The following ETV1 variants were observed in gnomAD, a reference collection of about 807,000 sequenced individuals.
ETV1 encodes the protein ETS translocation variant 1.
Under a neutral mutation model 62.3 loss-of-function variants are expected in ETV1, and 27 were observed. The observed-to-expected ratio is 0.43, with a 90% CI of 0.32 to 0.60. ETV1 has a LOEUF of 0.60. Among genes scored for constraint, ETV1 ranks in the 20% least tolerant of loss-of-function variants. The pLI is 0.06. For missense variants in ETV1, 605 were observed against 605.8 expected (o/e 1.00, Z 0.01); for synonymous variants, 222 against 199.6 (o/e 1.11, Z -0.94).
At chr7:13,945,475 G>A (rs145685746) in intron 6 of ETV1, among the ~76,000 whole-genome samples, 5 of 151,184 alleles carry the variant, frequency 3.3e-5, no homozygotes, top group African/African-American at 1.2e-4. Context: ...AGCCAAATAA[G>A]TAATCCAATG....
At chr7:13,968,867 G>C (rs1477925288) in intron 6 of ETV1, among the ~76,000 whole-genome samples, 1 of 152,030 alleles carries the variant, frequency 6.6e-6, no homozygotes, top group African/African-American at 2.4e-5. Context: ...TCTTTTACTG[G>C]ACTTGATGGA....
intron 3 of ETV1, 48 bp downstream of exon 3, chr7:13,988,960 C>G (rs1031624621): frequency 3.2e-6 from 5 of 1,549,432 alleles, no homozygotes; most frequent in Admixed American, 1.8e-5. Context: ...CTCCCCACCC[C>G]CGACGGAGTC....
chr7:13,913,052 C>G (rs1005499792), intron 9 of ETV1, among the ~76,000 whole-genome samples: 2 of 152,304 alleles, frequency 1.3e-5, no homozygotes, highest in Non-Finnish European at 1.5e-5. Context: ...AAAAATCCAA[C>G]CAATGAAGTT....
intron 9 of ETV1, among the ~76,000 whole-genome samples, chr7:13,915,656 A>T (rs531343096): frequency 5.3e-5 from 8 of 152,206 alleles, no homozygotes; most frequent in South Asian, 2.1e-4. Context: ...TATATGCCAT[A>T]CTTTTAGCCT....
intron 3 of ETV1, 104 bp downstream of exon 3, chr7:13,988,904 T>C: frequency 6.6e-7 from 1 of 1,522,402 alleles, no homozygotes; most frequent in Non-Finnish European, 9.0e-7. Context: ...CAGATAAGTA[T>C]CTGCAATCCC....
At chr7:13,899,567 A>T (rs1583555169) in intron 13 of ETV1, among the ~76,000 whole-genome samples, 1 of 152,298 alleles carries the variant, frequency 6.6e-6, no homozygotes, top group Admixed American at 6.5e-5. Context: ...GTGACATAAA[A>T]ATGTGCCACA....
At chr7:13,932,919 C>T (rs1786360502) in intron 8 of ETV1, among the ~76,000 whole-genome samples, 1 of 152,104 alleles carries the variant, frequency 6.6e-6, no homozygotes, top group South Asian at 2.1e-4. Context: ...AAGAACACTC[C>T]ATCCTGTGAT....
At chr7:13,986,178 C>T (rs1183248771) in intron 5 of ETV1, 2 of 1,591,740 alleles carry the variant, frequency 1.3e-6, no homozygotes, top group African/African-American at 1.3e-5. Context: ...TTGAAGCATC[C>T]CGTCCTGATG....
rs767330948 is a variant in ETV1 at position 13,915,152 on chromosome 7, A to C, written c.803-3845T>G. Among the ~76,000 whole-genome samples, 16 of 152,328 alleles carry C rather than the reference A, an allele frequency of 1.1e-4. No homozygotes were observed. In the East Asian group the frequency reaches 1.9e-3, roughly 18 times the overall value. ...TTTAATGTGGTTTTGCTTTCCTATAAGTATATAGTGCAAAGCTGGATTGAT... is the reference window on the plus strand; with the variant it reads ...TTTAATGTGGTTTTGCTTTCCTATACGTATATAGTGCAAAGCTGGATTGAT... On this transcript the variant is annotated intron_variant, in intron 9 of 13. Transcript: ENST00000430479.
chr7:13,937,913 C>T (rs1786998308), intron 7 of ETV1, among the ~76,000 whole-genome samples: 1 of 152,108 alleles, frequency 6.6e-6, no homozygotes, highest in African/African-American at 2.4e-5. Flanking sequence ...AATATCTGAG[C>T]ATTGGTCAGC....
At chr7:13,932,427 A>G (rs555597188) in intron 8 of ETV1, among the ~76,000 whole-genome samples, 2 of 152,320 alleles carry the variant, frequency 1.3e-5, no homozygotes, top group African/African-American at 4.8e-5. Flanking sequence ...TTGGCTTCCA[A>G]TAGATTCAAA....
At position 13,911,267 on chromosome 7, in the gene ETV1, G is replaced by C. The variant is rs1258984073; in HGVS notation, c.843C>G (p.Gly281=). 5 of 1,612,950 alleles carry C rather than the reference G, an allele frequency of 3.1e-6. No individual in the cohort carries two copies. In the South Asian group the frequency reaches 3.3e-5, roughly 11 times the overall value. ...CTGTTCTGCTGGGATGAGCCAGGAA[G>C]CCTTCTTGCCTCATATAAATGGAGT... ...SCHSIYMRQE[G]FLAHPSRTEG... Residue 281 remains glycine, a synonymous_variant, in exon 10 of 14, where the codon GGC becomes GGG. Transcript: ENST00000430479.
chr7:13,894,465 C>T lies in ETV1; in HGVS notation c.*1401G>A. 4.3e-6 allele frequency: 1 copy of T among 232,536 alleles called. No homozygotes were observed. Among genetic ancestry groups the T allele is most frequent in the East Asian group, 6.1e-5 (1 of 16,344 alleles). 14.4% of individuals were successfully genotyped at this position (232,536 alleles called of 1,614,324 possible). On this transcript the variant is annotated 3_prime_UTR_variant, in exon 14 of 14. Coordinates refer to ENST00000430479, the MANE Select transcript of ETV1 (RefSeq NM_004956.5). ...ATGATGGATAATATCAGTGCCAGCA[C>T]TATGTCATACAGCAACTTCCTCATA...
At chr7:13,929,747 T>C (rs769189821) in intron 9 of ETV1, among the ~76,000 whole-genome samples, 11 of 152,126 alleles carry the variant, frequency 7.2e-5, no homozygotes, top group Admixed American at 1.3e-4. Context: ...GGGCAGAGAA[T>C]TCATAGGTTT....
rs147660607 is a variant in ETV1 at position 13,897,189 on chromosome 7, C to T, written c.1213-1102G>A. On this transcript the variant is annotated intron_variant, in intron 13 of 13. Transcript: ENST00000430479. ...GGATGAATACAGTTCTTTCTATTAA[C>T]TTTGATAGTCACTTTGTATGGGTGT... Among the ~76,000 whole-genome samples the T allele has an allele frequency of 4.5e-4, 68 of 152,192 alleles. 1 individual carries two copies. In the East Asian group the frequency reaches 0.012, roughly 27 times the overall value.
intron 6 of ETV1, among the ~76,000 whole-genome samples, chr7:13,957,220 G>A (rs1789578562): frequency 6.6e-6 from 1 of 152,012 alleles, no homozygotes; most frequent in Non-Finnish European, 1.5e-5. Flanking sequence ...CAAGTAGCTG[G>A]GACTACAGGC....
intron 12 of ETV1, among the ~76,000 whole-genome samples, chr7:13,901,937 TA>T (rs963912737): frequency 2.0e-5 from 3 of 152,066 alleles, no homozygotes; most frequent in African/African-American, 4.8e-5. Flanking sequence ...AATAGAGCTT[TA>T]AAAAAAATCC....
chr7:13,970,556 A>G (rs1295477910), intron 6 of ETV1, among the ~76,000 whole-genome samples: 1 of 152,184 alleles, frequency 6.6e-6, no homozygotes, highest in Non-Finnish European at 1.5e-5. Flanking sequence ...AATCCAAAAA[A>G]ATGCCATTTC....
At chr7:13,935,917 G>T in intron 7 of ETV1, 21 bp from the exon 8 acceptor site, 1 of 1,556,128 alleles carries the variant, frequency 6.4e-7, no homozygotes, top group South Asian at 1.2e-5. Context: ...GACAAAAGAA[G>T]AGAGAACATT....
Sources: allele counts gnomAD v4.1 joint callset (sites outside exome capture counted in the v4.1 genomes callset), GRCh38; gene constraint gnomAD v4.1.1; transcripts MANE v1.5; gene names NCBI Gene and HGNC (gene_info 2026-07-23, HGNC 2026-07-21).